The following FAM83B variants were observed in gnomAD, a reference collection of about 807,000 sequenced individuals.
FAM83B encodes the protein scaffolding CK1 anchoring protein B, also known as protein FAM83B.
FAM83B carries 26 observed loss-of-function variants against 38.8 expected under a neutral mutation model. The observed-to-expected ratio is 0.67, with a 90% CI of 0.49 to 0.93. The LOEUF (loss-of-function observed/expected upper bound fraction) is 0.93, where lower values mean the gene tolerates loss of function less well. Ranked by LOEUF, FAM83B falls within the 40% of genes least tolerant of loss-of-function variation. The pLI, the probability that FAM83B is intolerant of heterozygous loss-of-function variation, is 0.00. For synonymous variants in FAM83B, 419 were observed against 423.1 expected (o/e 0.99, Z 0.12); for missense variants, 1,237 against 1,197.3 (o/e 1.03, Z -0.49).
intron 2 of FAM83B, among the ~76,000 whole-genome samples, chr6:54,923,604 T>G (rs1286566966): frequency 2.6e-5 from 4 of 152,142 alleles, no homozygotes; most frequent in African/African-American, 9.7e-5. Flanking sequence ...TCTATTTTAT[T>G]TTCTACTCTC....
chr6:54,896,352 A>C (rs1048298961), intron 2 of FAM83B, among the ~76,000 whole-genome samples: 3 of 152,188 alleles, frequency 2.0e-5, no homozygotes, highest in Non-Finnish European at 4.4e-5. Context: ...GAAATGAACA[A>C]ATTATCCACT....
At position 54,883,120 on chromosome 6, in the gene FAM83B, AT is replaced by A. The variant is rs1159223840; in HGVS notation, c.444+12435del. ...GCCCGGCTAATTTTTTTGTTTTTGT[AT>A]TTTTAGTAGAGACTGGTTTCACCGT... On this transcript the variant is annotated intron_variant, in intron 2 of 4. Transcript: ENST00000306858. Among the ~76,000 whole-genome samples, 17 of 151,230 alleles carry A rather than the reference AT, an allele frequency of 1.1e-4. No individual in the cohort carries two copies. The East Asian group carries it at 3.2e-3, about 28-fold the overall frequency.
intron 2 of FAM83B, among the ~76,000 whole-genome samples, chr6:54,894,527 T>A (rs1316023144): frequency 6.6e-6 from 1 of 152,164 alleles, no homozygotes; most frequent in Non-Finnish European, 1.5e-5. Flanking sequence ...TATGCAGGTA[T>A]CTTATACTTG....
chr6:54,905,503 T>C (rs1772757365), intron 2 of FAM83B, among the ~76,000 whole-genome samples: 2 of 152,322 alleles, frequency 1.3e-5, no homozygotes, highest in Middle Eastern at 6.8e-3. Flanking sequence ...TTTTTCGTGG[T>C]AAGAACTCAA....
At chr6:54,935,326 C>A (rs1338045074) in intron 4 of FAM83B, among the ~76,000 whole-genome samples, 17 of 152,066 alleles carry the variant, frequency 1.1e-4, no homozygotes, top group Admixed American at 1.1e-3. Context: ...TACAAGAAAC[C>A]ATCTGATAGT....
intron 2 of FAM83B, among the ~76,000 whole-genome samples, chr6:54,904,342 T>A (rs1402009594): frequency 6.6e-6 from 1 of 152,126 alleles, no homozygotes; most frequent in African/African-American, 2.4e-5. Flanking sequence ...TTCCACAAGT[T>A]CTAAGGTACC....
chr6:54,908,532 A>G (rs1300508480), intron 2 of FAM83B, among the ~76,000 whole-genome samples: 1 of 152,110 alleles, frequency 6.6e-6, no homozygotes, highest in Non-Finnish European at 1.5e-5. Context: ...AAAATTTAAA[A>G]ATTATATTTT....
At chr6:54,935,631 A>G (rs1056094793) in intron 4 of FAM83B, among the ~76,000 whole-genome samples, 1 of 152,148 alleles carries the variant, frequency 6.6e-6, no homozygotes, top group Non-Finnish European at 1.5e-5. Context: ...TCTTTTAAAC[A>G]AAACAGAAAG....
At chr6:54,879,724 T>C (rs935114255) in intron 2 of FAM83B, among the ~76,000 whole-genome samples, 1 of 152,168 alleles carries the variant, frequency 6.6e-6, no homozygotes, top group Non-Finnish European at 1.5e-5. Flanking sequence ...AGTCATGAGA[T>C]GTTTTTTAGT....
chr6:54,850,912 G>C (rs1338720732), intron 1 of FAM83B, among the ~76,000 whole-genome samples: 1 of 150,814 alleles, frequency 6.6e-6, no homozygotes, highest in Non-Finnish European at 1.5e-5. Flanking sequence ...CCAGCTACTT[G>C]GGAGGCTGAG....
chr6:54,848,225 T>C lies in FAM83B; in HGVS notation c.-61+1399T>C, dbSNP rs144317844. Reference sequence around the variant, plus strand: ...GCGTTTGTTTCTCTCTGTCTTCCTATAGTTCCCAGAAAAGTAGAAGTCCCC... The same window carrying C: ...GCGTTTGTTTCTCTCTGTCTTCCTACAGTTCCCAGAAAAGTAGAAGTCCCC... On this transcript the variant is annotated intron_variant, in intron 1 of 4. Coordinates refer to ENST00000306858, the MANE Select transcript of FAM83B (RefSeq NM_001010872.3). Among the ~76,000 whole-genome samples the C allele has an allele frequency of 5.0e-4, 76 of 152,274 alleles. No homozygotes were observed. The East Asian group carries it at 0.011, about 22-fold the overall frequency.
intron 2 of FAM83B, among the ~76,000 whole-genome samples, chr6:54,914,806 A>G (rs1259505730): frequency 6.6e-6 from 1 of 152,116 alleles, no homozygotes; most frequent in Non-Finnish European, 1.5e-5. Flanking sequence ...GACTGCACCC[A>G]GAGGAAAACT....
chr6:54,907,412 G>GTA (rs3065649), intron 2 of FAM83B, among the ~76,000 whole-genome samples: 103,944 of 151,710 alleles, frequency 0.69, 37,416 homozygotes, highest in East Asian at 0.9. Context: ...AAAAAATTCA[G>GTA]TGAGTAAGTT....
intron 2 of FAM83B, among the ~76,000 whole-genome samples, chr6:54,879,799 A>G (rs1772083046): frequency 6.6e-6 from 1 of 152,186 alleles, no homozygotes; most frequent in African/African-American, 2.4e-5. Flanking sequence ...GTTAACACAT[A>G]CAGAAGAATG....
Position 54,927,514 on chromosome 6 carries a change from C to A in FAM83B, c.616C>A (p.Arg206=). The change falls in exon 4 of 5, where the codon CGA becomes AGA. Residue 206 remains arginine (R), a synonymous_variant. Transcript: ENST00000306858. Reference sequence around the variant, plus strand: ...TATTTACATATAATTCTAGAATATTCGAGTGCGAACAGTAAAAGGCCAAGA... The same window carrying A: ...TATTTACATATAATTCTAGAATATTAGAGTGCGAACAGTAAAAGGCCAAGA... The part of the protein sequence containing the change: ...GCSVQRLRNI[R]VRTVKGQDYL... The A allele has an allele frequency of 6.3e-7, 1 of 1,591,160 alleles. No homozygotes were observed. The highest frequency in any genetic ancestry group is 8.6e-7 in the Non-Finnish European group (1 of 1,166,806).
At chr6:54,852,032 C>T (rs1255120350) in intron 1 of FAM83B, among the ~76,000 whole-genome samples, 6 of 145,598 alleles carry the variant, frequency 4.1e-5, no homozygotes, top group East Asian at 3.9e-4. Context: ...CCACCCACCT[C>T]GGCCTCCCAA....
intron 2 of FAM83B, among the ~76,000 whole-genome samples, chr6:54,880,061 A>T (rs1474334029): frequency 1.3e-5 from 2 of 152,226 alleles, no homozygotes; most frequent in African/African-American, 4.8e-5. Flanking sequence ...GTACAAAAAA[A>T]GTTTTAACAA....
rs372267421 is a variant in FAM83B at position 54,940,248 on chromosome 6, C to T, written c.1277C>T (p.Ala426Val). Residue 426 changes from alanine (A) to valine (V), a missense_variant, in exon 5 of 5, where the codon GCG (alanine) becomes GTG (valine). Coordinates refer to ENST00000306858, the MANE Select transcript of FAM83B (RefSeq NM_001010872.3). ...AAGCCATCTGATAGTCTCAGTGTGG[C>T]GTCCTCATCACGGGAAGGCTATGTA... is the stretch of plus-strand genomic sequence containing the variant. ...WKKPSDSLSV[A>V]SSSREGYVSH... The T allele has an allele frequency of 6.0e-5, 97 of 1,613,862 alleles. No individual in the cohort carries two copies. Among genetic ancestry groups the T allele is most frequent in the Non-Finnish European group, 7.5e-5 (89 of 1,179,974 alleles).
At chr6:54,900,706 C>T (rs1772643708) in intron 2 of FAM83B, among the ~76,000 whole-genome samples, 1 of 152,144 alleles carries the variant, frequency 6.6e-6, no homozygotes, top group African/African-American at 2.4e-5. Flanking sequence ...AAATCCAGTG[C>T]TTGACCTAGG....
Sources: allele counts gnomAD v4.1 joint callset (sites outside exome capture counted in the v4.1 genomes callset), GRCh38; gene constraint gnomAD v4.1.1; transcripts MANE v1.5; gene names NCBI Gene and HGNC (gene_info 2026-07-23, HGNC 2026-07-21).